The following GFRA2 variants were observed in gnomAD, a reference collection of about 807,000 sequenced individuals.
The protein encoded by GFRA2 is GDNF family receptor alpha 2.
In GFRA2, 17 loss-of-function variants were observed where a neutral mutation model predicts 48.3. The ratio of observed to expected loss-of-function variants is 0.35; its 90% CI spans 0.24 to 0.53. GFRA2 has a LOEUF of 0.53. Ranked by LOEUF, GFRA2 falls within the 20% of genes least tolerant of loss-of-function variation. GFRA2 has a pLI of 0.93. For missense variants in GFRA2, 660 were observed against 637.3 expected (o/e 1.04, Z -0.38); for synonymous variants, 305 against 257.2 (o/e 1.19, Z -1.78).
At chr8:21,785,559 GAC>G (rs1299386157) in intron 1 of GFRA2, among the ~76,000 whole-genome samples, 7 of 152,212 alleles carry the variant, frequency 4.6e-5, no homozygotes, top group Admixed American at 1.3e-4. Context: ...AGCTGCTAGA[GAC>G]ACAGGGGTAG....
chr8:21,810,979 C>T (rs906953600), intron 1 of GFRA2, among the ~76,000 whole-genome samples: 7 of 152,358 alleles, frequency 4.6e-5, no homozygotes, highest in South Asian at 4.1e-4. Context: ...GGGGCTGCCT[C>T]TTGACAGCCT....
At chr8:21,772,201 G>A (rs1806469460) in intron 3 of GFRA2, among the ~76,000 whole-genome samples, 1 of 152,128 alleles carries the variant, frequency 6.6e-6, no homozygotes, top group African/African-American at 2.4e-5. Flanking sequence ...AGATCCTACA[G>A]GTGATCTGTG....
intron 1 of GFRA2, among the ~76,000 whole-genome samples, chr8:21,805,429 G>T (rs1391277170): frequency 6.6e-6 from 1 of 152,174 alleles, no homozygotes; most frequent in Admixed American, 6.5e-5. Flanking sequence ...CTGAAGCAGC[G>T]ACTGAGTACT....
intron 4 of GFRA2, among the ~76,000 whole-genome samples, chr8:21,716,227 G>T (rs538780576): frequency 1.3e-5 from 2 of 151,594 alleles, no homozygotes; most frequent in Non-Finnish European, 2.9e-5. Context: ...GGAGGCTGAA[G>T]CAGGAGAACC....
rs969586522 is a variant in GFRA2, at chr8:21,711,940, G to T, written c.795-5899C>A. On this transcript the variant is annotated intron_variant, in intron 4 of 8. Transcript: ENST00000524240. ...TAACAAAGCACATCTTGCACTGCCCGTAATCCATTTAACCCTGAGTGGACA... is the reference window on the plus strand; with the variant it reads ...TAACAAAGCACATCTTGCACTGCCCTTAATCCATTTAACCCTGAGTGGACA... 1.4e-4 allele frequency among the ~76,000 whole-genome samples: 22 copies of T among 152,298 alleles called. No homozygotes were observed. In the South Asian group the frequency reaches 4.4e-3, roughly 30 times the overall value.
intron 4 of GFRA2, among the ~76,000 whole-genome samples, chr8:21,741,722 G>A (rs911631519): frequency 1.3e-5 from 2 of 152,078 alleles, no homozygotes; most frequent in Admixed American, 1.3e-4. Flanking sequence ...AGGAGTTCAA[G>A]ACCAGCCTGG....
intron 4 of GFRA2, chr8:21,706,333 T>G (rs1327620300): frequency 3.7e-6 from 2 of 542,550 alleles, no homozygotes; most frequent in Non-Finnish European, 7.1e-6. Context: ...CTGCTCTAAA[T>G]GGCTCTTTTA....
Position 21,693,269 on chromosome 8 carries a change from T to A in GFRA2, c.*9A>T. 6.2e-7 allele frequency: 1 copy of A among 1,603,210 alleles called. No individual in the cohort carries two copies. The highest frequency in any genetic ancestry group is 8.5e-7 in the Non-Finnish European group (1 of 1,174,530). Reference sequence around the variant, plus strand: ...GCTTTCAAAAATATTCTGACTCGGTTCCCACAGCCTACAAGGCCAGTTTCA... The same window carrying A: ...GCTTTCAAAAATATTCTGACTCGGTACCCACAGCCTACAAGGCCAGTTTCA... On this transcript the variant is annotated 3_prime_UTR_variant, in exon 9 of 9. Coordinates refer to ENST00000524240, the MANE Select transcript of GFRA2 (RefSeq NM_001495.5).
At chr8:21,749,861 A>T (rs1805192042) in intron 4 of GFRA2, among the ~76,000 whole-genome samples, 2 of 151,924 alleles carry the variant, frequency 1.3e-5, no homozygotes, top group Admixed American at 1.3e-4. Flanking sequence ...CACCTATAAA[A>T]TAGGAGTAAA....
At chr8:21,730,159 C>A (rs947627416) in intron 4 of GFRA2, among the ~76,000 whole-genome samples, 1 of 152,120 alleles carries the variant, frequency 6.6e-6, no homozygotes, top group Non-Finnish European at 1.5e-5. Flanking sequence ...AATCCCAGCA[C>A]TTTGGGAGGC....
At position 21,691,854 on chromosome 8, in the gene GFRA2, C is replaced by T. The variant is rs1374105176; in HGVS notation, c.*1424G>A. The T allele has an allele frequency of 6.6e-6, 1 of 152,588 alleles. No homozygotes were observed. The highest frequency in any genetic ancestry group is 1.9e-4 in the East Asian group (1 of 5,208). The allele number at this position is 152,588 out of a possible 1,614,324, so 9.5% of individuals were successfully genotyped here. ...AGCTCCTAAGAGAGCTCCATCTACA[C>T]ACAATGTGGACACATGGGTGAGACA... is the stretch of plus-strand genomic sequence containing the variant. On this transcript the variant is annotated 3_prime_UTR_variant, in exon 9 of 9. Coordinates refer to ENST00000524240, the MANE Select transcript of GFRA2 (RefSeq NM_001495.5).
In GFRA2 at chr8:21,694,070, T is replaced by TA. The variant is rs1563209382; in HGVS notation, c.1272+393_1272+394insT. Among the ~76,000 whole-genome samples the TA allele has an allele frequency of 2.6e-3, 293 of 114,468 alleles. 7 individuals are homozygous for TA. Among genetic ancestry groups the TA allele is most frequent in the African/African-American group, 0.01 (277 of 26,942 alleles). The allele number at this position is 114,468 out of a possible 152,430, so 75.1% of individuals were successfully genotyped here. On this transcript the variant is annotated intron_variant, in intron 8 of 8. Transcript: ENST00000524240. ...ATATATATATTTATATATATATTTA[T>TA]TTATTTTTATATATATATATATTTC...
At chr8:21,702,734 C>A (rs1802542519) in intron 7 of GFRA2, 71 bp downstream of exon 7, 2 of 1,456,562 alleles carry the variant, frequency 1.4e-6, no homozygotes, top group Admixed American at 4.8e-5. Context: ...TCCCTGGCCT[C>A]AGCTGAGTCA....
At chr8:21,772,543 A>G (rs1340943988) in intron 3 of GFRA2, among the ~76,000 whole-genome samples, 1 of 152,244 alleles carries the variant, frequency 6.6e-6, no homozygotes, top group Admixed American at 6.5e-5. Context: ...CCCCAGACAC[A>G]GCTGCCTACT....
upstream of GFRA2, chr8:21,789,929 G>T: frequency 3.4e-6 from 1 of 293,010 alleles, no homozygotes; most frequent in Non-Finnish European, 5.1e-6. Flanking sequence ...ACCGACCCGG[G>T]CCGGGGCTCC....
chr8:21,747,339 T>C (rs1218854506), intron 4 of GFRA2, among the ~76,000 whole-genome samples: 1 of 152,248 alleles, frequency 6.6e-6, no homozygotes, highest in Non-Finnish European at 1.5e-5. Flanking sequence ...GTTCAGTCAC[T>C]GTGGCAAATG....
chr8:21,777,052 C>G (rs2117717059), intron 2 of GFRA2, among the ~76,000 whole-genome samples: 1 of 152,338 alleles, frequency 6.6e-6, no homozygotes, highest in South Asian at 2.1e-4. Flanking sequence ...ATCCTCTTAA[C>G]TACTCTATGA....
At chr8:21,741,179 G>A (rs527467728) in intron 4 of GFRA2, among the ~76,000 whole-genome samples, 1 of 152,284 alleles carries the variant, frequency 6.6e-6, no homozygotes, top group South Asian at 2.1e-4. Flanking sequence ...GCTGTGGCCT[G>A]TGAGGCCCCG....
chr8:21,721,736 C>T (rs760010100), intron 4 of GFRA2, among the ~76,000 whole-genome samples: 11 of 152,190 alleles, frequency 7.2e-5, no homozygotes, highest in African/African-American at 1.7e-4. Flanking sequence ...CAGCACAGGA[C>T]GCAAAGCAGG....
Sources: allele counts gnomAD v4.1 joint callset (sites outside exome capture counted in the v4.1 genomes callset), GRCh38; gene constraint gnomAD v4.1.1; transcripts MANE v1.5; gene names NCBI Gene and HGNC (gene_info 2026-07-23, HGNC 2026-07-21).